ANKFN1: variants seen among roughly 807,000 people sequenced by gnomAD.
ANKFN1 encodes ankyrin repeat and fibronectin type-III domain-containing protein 1.
Under a neutral mutation model 108.7 loss-of-function variants are expected in ANKFN1, and 74 were observed. That is an observed-to-expected ratio of 0.68 (90% CI 0.56 to 0.83). The LOEUF (loss-of-function observed/expected upper bound fraction) is 0.83. ANKFN1 is among the 40% of genes least tolerant of loss of function. The pLI, the probability that ANKFN1 is intolerant of heterozygous loss-of-function variation, is 0.00. For missense variants in ANKFN1, 1,505 were observed against 1,382.3 expected (o/e 1.09, Z -1.41); for synonymous variants, 547 against 516.2 (o/e 1.06, Z -0.81).
At chr17:56,101,723 G>A (rs772019602) in intron 4 of ANKFN1, among the ~76,000 whole-genome samples, 30 of 152,088 alleles carry the variant, frequency 2.0e-4, no homozygotes, top group Non-Finnish European at 3.4e-4. Context: ...CTGAGGGACC[G>A]GGTATTGGCA....
chr17:56,057,915 G>T (rs1904908216), intron 4 of ANKFN1, among the ~76,000 whole-genome samples: 1 of 152,172 alleles, frequency 6.6e-6, no homozygotes, highest in African/African-American at 2.4e-5. Context: ...CTCCATCGGA[G>T]CTCTTCAGTA....
chr17:56,367,835 C>G (rs1431513661), intron 6 of ANKFN1, among the ~76,000 whole-genome samples: 4 of 152,126 alleles, frequency 2.6e-5, no homozygotes, highest in Admixed American at 2.6e-4. Context: ...TTTCTATTTT[C>G]TAAATCAAAC....
chr17:56,321,770 G>T (rs2045374759), intron 3 of ANKFN1, among the ~76,000 whole-genome samples: 1 of 152,106 alleles, frequency 6.6e-6, no homozygotes, highest in Non-Finnish European at 1.5e-5. Flanking sequence ...AATTTAACTG[G>T]TCCAATGCTC....
intron 13 of ANKFN1, 44 bp from the exon 14 acceptor site, chr17:56,457,819 G>T (rs533631345): frequency 1.4e-6 from 2 of 1,452,106 alleles, no homozygotes; most frequent in East Asian, 2.3e-5. Context: ...CCTAAATCAT[G>T]TACTGGCTTG....
At chr17:56,152,396 C>A (rs1309741658), upstream of ANKFN1, among the ~76,000 whole-genome samples, 1 of 151,712 alleles carries the variant, frequency 6.6e-6, no homozygotes, top group East Asian at 1.9e-4. Context: ...ATTATTACTT[C>A]TTTTCATTTA....
intron 1 of ANKFN1, among the ~76,000 whole-genome samples, chr17:56,193,690 G>A (rs946216290): frequency 6.6e-6 from 1 of 152,014 alleles, no homozygotes; most frequent in African/African-American, 2.4e-5. Context: ...AGATGCATAG[G>A]CAAAAATGTG....
At chr17:56,124,567 C>T (rs963271959) in intron 4 of ANKFN1, among the ~76,000 whole-genome samples, 2 of 152,130 alleles carry the variant, frequency 1.3e-5, no homozygotes, top group Non-Finnish European at 2.9e-5. Flanking sequence ...TGGCTTTATC[C>T]ACTCTAACCC....
chr17:56,341,620 A>T (rs1222816422), intron 4 of ANKFN1, among the ~76,000 whole-genome samples: 1 of 151,970 alleles, frequency 6.6e-6, no homozygotes, highest in Non-Finnish European at 1.5e-5. Context: ...ATTGATTTGC[A>T]TATGTTGAAC....
At chr17:56,255,430 C>T (rs1275939145) in intron 3 of ANKFN1, among the ~76,000 whole-genome samples, 2 of 152,166 alleles carry the variant, frequency 1.3e-5, no homozygotes, top group Non-Finnish European at 1.5e-5. Context: ...AAAAGACAAT[C>T]ATTACTCTCT....
chr17:56,445,204 A>C (rs1449245602), intron 10 of ANKFN1, among the ~76,000 whole-genome samples: 2 of 152,244 alleles, frequency 1.3e-5, no homozygotes, highest in Non-Finnish European at 2.9e-5. Flanking sequence ...GGAGTGACAG[A>C]AAATGCACAA....
chr17:56,357,555 C>T (rs749860247), intron 6 of ANKFN1, among the ~76,000 whole-genome samples: 1 of 152,182 alleles, frequency 6.6e-6, no homozygotes. Context: ...TGATGTATTT[C>T]TTTGTTCTGT....
chr17:56,267,634 C>T (rs2043686726), intron 3 of ANKFN1, among the ~76,000 whole-genome samples: 1 of 152,152 alleles, frequency 6.6e-6, no homozygotes, highest in Admixed American at 6.6e-5. Context: ...ATCCCAGCAC[C>T]ATTTACTGAG....
intron 8 of ANKFN1, among the ~76,000 whole-genome samples, chr17:56,439,509 G>A (rs1203513524): frequency 6.6e-6 from 1 of 151,808 alleles, no homozygotes; most frequent in Non-Finnish European, 1.5e-5. Context: ...GTTAGAATTT[G>A]TATGACTTAA....
intron 8 of ANKFN1, among the ~76,000 whole-genome samples, chr17:56,410,146 C>T (rs565303559): frequency 5.3e-5 from 8 of 152,164 alleles, no homozygotes; most frequent in South Asian, 4.1e-4. Flanking sequence ...AGTGCAGTGG[C>T]GCTATCTCGG....
intron 5 of ANKFN1, among the ~76,000 whole-genome samples, chr17:56,351,766 A>C (rs752382629): frequency 6.6e-6 from 1 of 152,326 alleles, no homozygotes; most frequent in Non-Finnish European, 1.5e-5. Flanking sequence ...GTATTCTCAT[A>C]TAATAGTTTC....
At chr17:56,494,701 G>A (rs1452353351) in intron 19 of ANKFN1, among the ~76,000 whole-genome samples, 9 of 152,080 alleles carry the variant, frequency 5.9e-5, no homozygotes, top group South Asian at 2.1e-4. Flanking sequence ...TGAAAGAACT[G>A]GACTAGATGA....
intron 3 of ANKFN1, among the ~76,000 whole-genome samples, chr17:56,300,594 T>C (rs956373498): frequency 6.6e-6 from 1 of 152,060 alleles, no homozygotes; most frequent in Non-Finnish European, 1.5e-5. Context: ...GAAATTGTTT[T>C]TTTTTTTTTT....
chr17:56,370,018 C>G (rs1469185206), intron 6 of ANKFN1, among the ~76,000 whole-genome samples: 1 of 152,156 alleles, frequency 6.6e-6, no homozygotes, highest in African/African-American at 2.4e-5. Flanking sequence ...TAATCAAAAT[C>G]TGCATGTAAA....
intron 8 of ANKFN1, among the ~76,000 whole-genome samples, chr17:56,396,680 G>A (rs2047597670): frequency 6.6e-6 from 1 of 152,054 alleles, no homozygotes; most frequent in South Asian, 2.1e-4. Flanking sequence ...GACTTTATAG[G>A]CATTGCTTCT....
Sources: gnomAD v4.1 joint callset for allele counts (sites outside exome capture counted in the v4.1 genomes callset) on GRCh38, gnomAD v4.1.1 for gene constraint, MANE v1.5 for transcripts, NCBI Gene and HGNC (gene_info 2026-07-23, HGNC 2026-07-21) for gene names.